Variants in VSIG10 observed in about 807,000 individuals in gnomAD.
VSIG10 encodes the protein V-set and immunoglobulin domain-containing protein 10.
A neutral mutation model predicts 58.7 loss-of-function variants in VSIG10; 48 were observed. The ratio of observed to expected loss-of-function variants is 0.82; its 90% CI spans 0.65 to 1.04. VSIG10 has a LOEUF of 1.04. Ranked by LOEUF, VSIG10 falls within the 50% of genes least tolerant of loss-of-function variation. The pLI, the probability that VSIG10 is intolerant of heterozygous loss-of-function variation, is 0.00. For missense variants in VSIG10, 628 were observed against 670.0 expected, an observed-to-expected ratio of 0.94 and a Z score of 0.69; for synonymous variants, 260 against 267.1, an observed-to-expected ratio of 0.97 and a Z score of 0.26.
At position 118,071,363 on chromosome 12, in the gene VSIG10, CCAG is replaced by C; in HGVS notation, c.1323_1325del (p.Cys441del). 1 of 1,613,694 alleles carries C rather than the reference CCAG, an allele frequency of 6.2e-7. No individual in the cohort carries two copies. Among genetic ancestry groups the C allele is most frequent in the Non-Finnish European group, 8.5e-7 (1 of 1,179,736 alleles). On this transcript the variant is annotated inframe_deletion, in exon 6 of 9. Coordinates refer to ENST00000359236, the MANE Select transcript of VSIG10 (RefSeq NM_019086.6). The stretch of plus-strand genomic sequence containing the variant: ...AAGGACCCAGGGAGTCCTTACCTTT[CCAG>C]CAGAACACAGGGCTATAATGCAACA...
intron 1 of VSIG10, among the ~76,000 whole-genome samples, chr12:118,096,267 C>T (rs2033451955): frequency 6.6e-6 from 1 of 151,080 alleles, no homozygotes; most frequent in African/African-American, 2.4e-5. Flanking sequence ...ATGGTGACAC[C>T]CCGTCTGTAA....
At chr12:118,079,268 A>G in intron 4 of VSIG10, 78 bp downstream of exon 4, 5 of 1,548,386 alleles carry the variant, frequency 3.2e-6, no homozygotes, top group Non-Finnish European at 4.4e-6. Context: ...TCTTCCTCAG[A>G]AGAACTCTCA....
At chr12:118,095,838 T>TTAC (rs765674456) in intron 1 of VSIG10, 24 bp from the exon 2 acceptor site, 2 of 1,583,670 alleles carry the variant, frequency 1.3e-6, no homozygotes, top group South Asian at 2.3e-5. Context: ...GATCAGGCTG[T>TTAC]TACTACCCTT....
At chr12:118,080,182 T>A (rs1293343423) in intron 3 of VSIG10, among the ~76,000 whole-genome samples, 2 of 150,962 alleles carry the variant, frequency 1.3e-5, no homozygotes, top group African/African-American at 4.9e-5. Context: ...TTTTTTTTAA[T>A]AGAGACAGGG....
intron 1 of VSIG10, among the ~76,000 whole-genome samples, chr12:118,097,302 C>T (rs2033489685): frequency 6.6e-6 from 1 of 152,164 alleles, no homozygotes; most frequent in South Asian, 2.1e-4. Flanking sequence ...TCTATAATCA[C>T]TACAGAAATG....
chr12:118,082,371 G>T lies in VSIG10; in HGVS notation c.420C>A (p.Thr140=). 2 of 1,613,936 alleles carry T rather than the reference G, an allele frequency of 1.2e-6. No individual in the cohort carries two copies. Among genetic ancestry groups the T allele is most frequent in the Non-Finnish European group, 1.7e-6 (2 of 1,179,888 alleles). The part of the protein sequence containing the change: ...IVATGTLPNG[T]LYAARGSQVD... Reference sequence around the variant, plus strand: ...CCTGGGAGCCCCTGGCTGCGTAGAGGGTGCCGTTGGGGAGTGTGCCGGTGG... The same window carrying T: ...CCTGGGAGCCCCTGGCTGCGTAGAGTGTGCCGTTGGGGAGTGTGCCGGTGG... The change falls in exon 3 of 9, where the codon ACC becomes ACA. Residue 140 remains threonine (T), a synonymous_variant. Coordinates refer to ENST00000359236, the MANE Select transcript of VSIG10 (RefSeq NM_019086.6).
Position 118,103,659 on chromosome 12 carries a change from CGCCT to C in VSIG10, c.9_12del (p.Gly4AlafsTer22), listed in dbSNP as rs750859259. 1 of 1,497,430 alleles carries C rather than the reference CGCCT, an allele frequency of 6.7e-7. No individual in the cohort carries two copies. The highest frequency in any genetic ancestry group is 1.2e-5 in the South Asian group (1 of 80,694). 92.8% of individuals were successfully genotyped at this position (1,497,430 alleles called of 1,614,324 possible). ...AGGACGCGGGGCTCGGGCGCACTGC[CGCCT>C]GCGGCCATCTCGCCCCAGATCCCGG... On this transcript the variant is annotated frameshift_variant, in exon 1 of 9. Coordinates refer to ENST00000359236, the MANE Select transcript of VSIG10 (RefSeq NM_019086.6). LOFTEE classifies it high-confidence loss of function.
intron 3 of VSIG10, 29 bp from the exon 4 acceptor site, chr12:118,079,635 T>TA: frequency 6.2e-7 from 1 of 1,611,318 alleles, no homozygotes; most frequent in South Asian, 1.1e-5. Context: ...AAGCATGGGC[T>TA]GAATCACAGA....
intron 4 of VSIG10, among the ~76,000 whole-genome samples, chr12:118,076,719 A>G (rs1433270698): frequency 6.6e-6 from 1 of 151,860 alleles, no homozygotes; most frequent in Admixed American, 6.6e-5. Flanking sequence ...CCAGGCCTGG[A>G]GTGACCGCTC....
chr12:118,096,404 C>T (rs1024779415), intron 1 of VSIG10, among the ~76,000 whole-genome samples: 3 of 151,330 alleles, frequency 2.0e-5, no homozygotes, highest in Non-Finnish European at 2.9e-5. Context: ...CATGCAAAAA[C>T]CCTGTCTCTA....
At chr12:118,087,350 T>C (rs1010109525) in intron 2 of VSIG10, among the ~76,000 whole-genome samples, 8 of 151,900 alleles carry the variant, frequency 5.3e-5, no homozygotes, top group Non-Finnish European at 7.4e-5. Flanking sequence ...TGCCCACCGA[T>C]GGACAAGCAG....
At chr12:118,076,194 G>T (rs2032719418) in intron 4 of VSIG10, among the ~76,000 whole-genome samples, 1 of 152,162 alleles carries the variant, frequency 6.6e-6, no homozygotes, top group African/African-American at 2.4e-5. Flanking sequence ...CAGGAGTCTA[G>T]AACGTCTTAC....
intron 8 of VSIG10, among the ~76,000 whole-genome samples, chr12:118,068,045 T>TTTTTC (rs71450254): frequency 1.4e-5 from 2 of 141,188 alleles, no homozygotes; most frequent in African/African-American, 2.6e-5. Context: ...TTTTTTTTTT[T>TTTTTC]CTGAGGCAGG....
chr12:118,073,033 T>C (rs578105695), intron 5 of VSIG10, among the ~76,000 whole-genome samples: 1 of 152,308 alleles, frequency 6.6e-6, no homozygotes, highest in Non-Finnish European at 1.5e-5. Flanking sequence ...TGAAGTGCAG[T>C]GGTGTGATCT....
chr12:118,072,136 T>A (rs2032521615), intron 5 of VSIG10, among the ~76,000 whole-genome samples: 2 of 150,868 alleles, frequency 1.3e-5, no homozygotes, highest in Non-Finnish European at 2.9e-5. Flanking sequence ...GCCATTGCAC[T>A]CCAGCCTGGG....
In VSIG10 at chr12:118,071,424, A is replaced by G; in HGVS notation, c.1265T>C (p.Leu422Pro). ...GGIVGTIVSL[L>P]LLGLAIISGL... Reference sequence around the variant, plus strand: ...TGAGATAATGGCCAGTCCCAGCAGAAGGAGGCTCACAATGGTTCCCACAAT... The same window carrying G: ...TGAGATAATGGCCAGTCCCAGCAGAGGGAGGCTCACAATGGTTCCCACAAT... Residue 422 changes from leucine (L) to proline (P), a missense_variant, in exon 6 of 9, where the codon CTT (leucine) becomes CCT (proline). Coordinates refer to ENST00000359236, the MANE Select transcript of VSIG10 (RefSeq NM_019086.6). The G allele has an allele frequency of 1.2e-6, 2 of 1,613,982 alleles. No individual in the cohort carries two copies. Among genetic ancestry groups the G allele is most frequent in the Non-Finnish European group, 1.7e-6 (2 of 1,179,876 alleles).
rs368150116 is a variant in VSIG10, at chr12:118,103,745, C to G, written c.-74G>C. The G allele has an allele frequency of 2.1e-5, 29 of 1,352,118 alleles. No homozygotes were observed. Among genetic ancestry groups the G allele is most frequent in the Admixed American group, 3.8e-5 (1 of 26,630 alleles). 83.8% of individuals were successfully genotyped at this position (1,352,118 alleles called of 1,614,324 possible). ...CGTGTGTGCCCCAGGGCCCCGGGGCCCGGGGTACCGAGGGCTCCTCCCAGG... is the reference window on the plus strand; with the variant it reads ...CGTGTGTGCCCCAGGGCCCCGGGGCGCGGGGTACCGAGGGCTCCTCCCAGG... On this transcript the variant is annotated 5_prime_UTR_variant, in exon 1 of 9. Coordinates refer to ENST00000359236, the MANE Select transcript of VSIG10 (RefSeq NM_019086.6).
chr12:118,074,476 G>C (rs941139753), intron 4 of VSIG10, among the ~76,000 whole-genome samples: 3 of 150,742 alleles, frequency 2.0e-5, no homozygotes, highest in African/African-American at 7.3e-5. Flanking sequence ...TTTCAGAAAT[G>C]AACAATTTTT....
intron 2 of VSIG10, 93 bp from the exon 3 acceptor site, chr12:118,082,522 G>C: frequency 6.2e-6 from 8 of 1,284,224 alleles, no homozygotes; most frequent in Non-Finnish European, 8.6e-6. Flanking sequence ...ACAGAAAATA[G>C]CCAATGAAGA....
Sources: allele counts gnomAD v4.1 joint callset (sites outside exome capture counted in the v4.1 genomes callset), GRCh38; gene constraint gnomAD v4.1.1; transcripts MANE v1.5; gene names NCBI Gene and HGNC (gene_info 2026-07-23, HGNC 2026-07-21).